The following FRYL variants were observed in gnomAD, a reference collection of about 807,000 sequenced individuals.
FRYL encodes FRY like transcription coactivator.
In FRYL, 150 loss-of-function variants were observed where a neutral mutation model predicts 351.2. That is an observed-to-expected ratio of 0.43 (90% CI 0.37 to 0.49). The LOEUF (loss-of-function observed/expected upper bound fraction) is 0.49. Among genes scored for constraint, FRYL ranks in the 20% least tolerant of loss-of-function variants. The probability of loss-of-function intolerance (pLI) is 0.00; values close to 1 mark genes in which losing one functional copy is unlikely to be tolerated. For synonymous variants in FRYL, 1,153 were observed against 1,257.1 expected (o/e 0.92, Z 1.75); for missense variants, 3,036 against 3,619.3 (o/e 0.84, Z 4.13).
intron 53 of FRYL, among the ~76,000 whole-genome samples, chr4:48,525,163 G>GTATATATATATATATATATATA (rs57457069): frequency 1.4e-5 from 2 of 139,902 alleles, no homozygotes; most frequent in African/African-American, 5.7e-5. Context: ...ATTTTTAAAG[G>GTATATATATATATATATATATA]TATATATATA....
At chr4:48,759,496 G>T (rs574009739) in intron 1 of FRYL, among the ~76,000 whole-genome samples, 1 of 152,146 alleles carries the variant, frequency 6.6e-6, no homozygotes, top group South Asian at 2.1e-4. Context: ...TTTGGAGGTC[G>T]GAAGTCCAAA....
At chr4:48,735,131 A>T (rs1295408114) in intron 1 of FRYL, among the ~76,000 whole-genome samples, 7 of 97,630 alleles carry the variant, frequency 7.2e-5, no homozygotes, top group Non-Finnish European at 1.4e-4. Flanking sequence ...CAAGAAAAAA[A>T]CAAACAACCC....
At chr4:48,538,439 GT>G (rs1427214051) in intron 47 of FRYL, among the ~76,000 whole-genome samples, 2 of 152,098 alleles carry the variant, frequency 1.3e-5, no homozygotes, top group African/African-American at 4.8e-5. Flanking sequence ...TATCAAGACA[GT>G]GAAAAGGTTC....
At chr4:48,563,022 A>G (rs754674035) in intron 31 of FRYL, 34 bp from the exon 32 acceptor site, 2 of 1,291,430 alleles carry the variant, frequency 1.5e-6, no homozygotes, top group Non-Finnish European at 2.2e-6. Flanking sequence ...AGTAAATAAC[A>G]ATGTTTAGAG....
intron 5 of FRYL, among the ~76,000 whole-genome samples, chr4:48,621,556 G>A (rs1750643956): frequency 6.6e-6 from 1 of 152,060 alleles, no homozygotes; most frequent in Non-Finnish European, 1.5e-5. Flanking sequence ...TTCTGTATGT[G>A]ATTCAACCCA....
At chr4:48,502,269 G>A (rs1209591177) in intron 61 of FRYL, among the ~76,000 whole-genome samples, 2 of 152,146 alleles carry the variant, frequency 1.3e-5, no homozygotes, top group Non-Finnish European at 2.9e-5. Context: ...GGCCGAGCAC[G>A]GTGGCTCACA....
chr4:48,764,535 A>G (rs1578965902), intron 1 of FRYL, among the ~76,000 whole-genome samples: 1 of 132,970 alleles, frequency 7.5e-6, no homozygotes. Context: ...TGTTTCAAAA[A>G]AAAAGAAAAG....
At chr4:48,710,176 C>T (rs1767848349) in intron 2 of FRYL, among the ~76,000 whole-genome samples, 1 of 152,274 alleles carries the variant, frequency 6.6e-6, no homozygotes, top group Admixed American at 6.5e-5. Context: ...TTACAATTGC[C>T]AGGAAGTAGG....
intron 3 of FRYL, among the ~76,000 whole-genome samples, chr4:48,645,152 A>ATATATATATATATATATATATATATC (rs1560778580): frequency 1.7e-5 from 2 of 114,796 alleles, no homozygotes; most frequent in South Asian, 2.8e-4. Flanking sequence ...ATATATATAT[A>ATATATATATATATATATATATATATC]TATCAGACTG....
intron 28 of FRYL, among the ~76,000 whole-genome samples, chr4:48,566,636 T>C (rs1279046322): frequency 1.3e-5 from 2 of 152,230 alleles, no homozygotes; most frequent in African/African-American, 2.4e-5. Context: ...TGTCTGTATA[T>C]ACTATTCAAA....
At chr4:48,585,396 G>C (rs150886778) in intron 19 of FRYL, among the ~76,000 whole-genome samples, 207 of 152,322 alleles carry the variant, frequency 1.4e-3, no homozygotes, top group African/African-American at 4.7e-3. Context: ...TGTGTGAAAA[G>C]CTAGGGAAGT....
chr4:48,531,936 C>T (rs1455261621), intron 49 of FRYL, among the ~76,000 whole-genome samples: 1 of 151,618 alleles, frequency 6.6e-6, no homozygotes, highest in Non-Finnish European at 1.5e-5. Context: ...TTCTTCCCTA[C>T]ATATTTTGGC....
At chr4:48,730,463 A>G (rs1770597283) in intron 1 of FRYL, among the ~76,000 whole-genome samples, 3 of 152,214 alleles carry the variant, frequency 2.0e-5, no homozygotes, top group Admixed American at 2.0e-4. Flanking sequence ...GAAGGAAAAA[A>G]TGTTAAGGAC....
intron 1 of FRYL, among the ~76,000 whole-genome samples, chr4:48,737,330 ATAAT>A (rs1255590749): frequency 6.6e-6 from 1 of 152,130 alleles, no homozygotes; most frequent in Non-Finnish European, 1.5e-5. Flanking sequence ...CATTAAAAGA[ATAAT>A]TAAGGAATAC....
chr4:48,769,133 C>CA (rs1032765534), intron 1 of FRYL, among the ~76,000 whole-genome samples: 8 of 151,536 alleles, frequency 5.3e-5, no homozygotes, highest in African/African-American at 1.5e-4. Flanking sequence ...GACCCTGTCT[C>CA]AAAAAAAATA....
chr4:48,652,258 T>C (rs1757866903), intron 3 of FRYL, among the ~76,000 whole-genome samples: 1 of 152,242 alleles, frequency 6.6e-6, no homozygotes, highest in Non-Finnish European at 1.5e-5. Flanking sequence ...ACACTGTTCT[T>C]CTATAAGAAG....
At chr4:48,676,076 A>G (rs539691915) in intron 3 of FRYL, among the ~76,000 whole-genome samples, 5 of 152,258 alleles carry the variant, frequency 3.3e-5, no homozygotes, top group Admixed American at 6.5e-5. Flanking sequence ...AAACGCACCA[A>G]TCAACACGGT....
At chr4:48,615,643 T>G (rs1749268047) in intron 7 of FRYL, among the ~76,000 whole-genome samples, 1 of 152,254 alleles carries the variant, frequency 6.6e-6, no homozygotes, top group Non-Finnish European at 1.5e-5. Context: ...AAAGCAAAAT[T>G]AGTCCTCTAT....
chr4:48,762,781 T>A (rs1774541370), intron 1 of FRYL, among the ~76,000 whole-genome samples: 1 of 152,182 alleles, frequency 6.6e-6, no homozygotes, highest in African/African-American at 2.4e-5. Context: ...TTGCAAGGAT[T>A]TTTGCATGTC....
Sources: allele counts gnomAD v4.1 joint callset (sites outside exome capture counted in the v4.1 genomes callset), GRCh38; gene constraint gnomAD v4.1.1; transcripts MANE v1.5; gene names NCBI Gene and HGNC (gene_info 2026-07-23, HGNC 2026-07-21).